The following TSPAN8 variants were observed in gnomAD, a reference collection of about 807,000 sequenced individuals.
TSPAN8 encodes tetraspanin-8.
A neutral mutation model predicts 32.8 loss-of-function variants in TSPAN8; 21 were observed. The ratio of observed to expected loss-of-function variants is 0.64; its 90% confidence interval spans 0.45 to 0.92. TSPAN8 has a LOEUF of 0.92. TSPAN8 is among the 40% of genes least tolerant of loss of function. The probability of loss-of-function intolerance (pLI) is 0.00; values close to 1 mark genes in which losing one functional copy is unlikely to be tolerated. For missense variants in TSPAN8, 269 were observed against 281.9 expected, an observed-to-expected ratio of 0.95 and a Z score of 0.33; for synonymous variants, 95 against 94.6, an observed-to-expected ratio of 1.00 and a Z score of -0.03.
intron 2 of TSPAN8, among the ~76,000 whole-genome samples, chr12:71,153,293 T>C (rs1592411722): frequency 6.6e-6 from 1 of 152,232 alleles, no homozygotes; most frequent in Non-Finnish European, 1.5e-5. Context: ...CTATAATTTA[T>C]CTATTATCTG....
chr12:71,134,199 C>T (rs774531799), intron 6 of TSPAN8, among the ~76,000 whole-genome samples: 4 of 152,132 alleles, frequency 2.6e-5, no homozygotes, highest in Non-Finnish European at 4.4e-5. Context: ...GATAAGAACT[C>T]CCAGGTTGAA....
intron 2 of TSPAN8, among the ~76,000 whole-genome samples, chr12:71,155,044 A>G (rs1368799769): frequency 6.6e-6 from 1 of 152,236 alleles, no homozygotes; most frequent in Non-Finnish European, 1.5e-5. Context: ...GTTGGATAAT[A>G]TTAGTAACTT....
chr12:71,126,339 A>G (rs779522008), intron 8 of TSPAN8, among the ~76,000 whole-genome samples: 4 of 152,230 alleles, frequency 2.6e-5, no homozygotes, highest in Non-Finnish European at 4.4e-5. Context: ...AATGTGCTAC[A>G]ATTGAAGACT....
At chr12:71,134,635 A>G (rs949623772) in intron 6 of TSPAN8, among the ~76,000 whole-genome samples, 3 of 152,100 alleles carry the variant, frequency 2.0e-5, no homozygotes, top group Admixed American at 2.0e-4. Context: ...GACATGATTA[A>G]TTGTTTATTC....
Position 71,132,023 on chromosome 12 carries a change from T to G in TSPAN8, c.576+670A>C, listed in dbSNP as rs375586037. On this transcript the variant is annotated intron_variant, in intron 7 of 8. Transcript: ENST00000247829. ...GCGCATAGGAGGTGGTCAGTAAGTA[T>G]TTGATGAACTGATCAATAAGAAGAA... 2.4e-4 allele frequency among the ~76,000 whole-genome samples: 37 copies of G among 152,280 alleles called. 1 individual carries two copies. Among genetic ancestry groups the G allele is most frequent in the Admixed American group, 9.2e-4 (14 of 15,296 alleles).
chr12:71,156,285 T>TAAAAAAAAAAAAAAAAAAAAAAAA (rs1872438906), intron 2 of TSPAN8, among the ~76,000 whole-genome samples: 1 of 100,616 alleles, frequency 9.9e-6, no homozygotes, highest in African/African-American at 5.4e-5. Flanking sequence ...AAAAAAAAAC[T>TAAAAAAAAAAAAAAAAAAAAAAAA]AGAAACAAAA....
chr12:71,130,131 T>A (rs1871475558), intron 7 of TSPAN8, among the ~76,000 whole-genome samples: 1 of 152,024 alleles, frequency 6.6e-6, no homozygotes, highest in Non-Finnish European at 1.5e-5. Flanking sequence ...TTTTGTTGTG[T>A]TTTGTAAAGA....
rs149542977 is a variant in TSPAN8 at position 71,138,807 on chromosome 12, G to A, written c.262-577C>T. On this transcript the variant is annotated intron_variant, in intron 4 of 8. Transcript: ENST00000247829. ...AAAGCAATCAGTAGGAATGTTATTA[G>A]AGTCCCTTTAAAACTCTGTCTCTAC... Among the ~76,000 whole-genome samples the A allele has an allele frequency of 6.4e-3, 972 of 152,192 alleles. 13 individuals are homozygous for A. Among genetic ancestry groups the A allele is most frequent in the African/African-American group, 0.022 (904 of 41,512 alleles).
intron 8 of TSPAN8, among the ~76,000 whole-genome samples, chr12:71,129,091 T>C (rs538738428): frequency 2.6e-5 from 4 of 152,142 alleles, no homozygotes; most frequent in African/African-American, 4.8e-5. Context: ...GGTAGAGAGG[T>C]CATTCAGAAG....
chr12:71,128,955 C>T (rs1274408792), intron 8 of TSPAN8, among the ~76,000 whole-genome samples: 1 of 151,960 alleles, frequency 6.6e-6, no homozygotes, highest in African/African-American at 2.4e-5. Flanking sequence ...TTGTAAAGGT[C>T]GTATTTTGCT....
chr12:71,135,958 A>G (rs887740796), intron 6 of TSPAN8, among the ~76,000 whole-genome samples: 2 of 152,206 alleles, frequency 1.3e-5, no homozygotes, highest in African/African-American at 4.8e-5. Context: ...CAGGGGAGCT[A>G]GGAAAAGCAC....
chr12:71,143,904 T>C (rs1337592383), intron 3 of TSPAN8, among the ~76,000 whole-genome samples: 1 of 152,142 alleles, frequency 6.6e-6, no homozygotes, highest in Non-Finnish European at 1.5e-5. Context: ...CTGAATTTTT[T>C]TGAATTTTTG....
chr12:71,143,645 T>C (rs999231438), intron 3 of TSPAN8, among the ~76,000 whole-genome samples: 1 of 152,196 alleles, frequency 6.6e-6, no homozygotes, highest in African/African-American at 2.4e-5. Context: ...CACAGGTAAA[T>C]AACAAGTACC....
At chr12:71,129,268 T>G in intron 8 of TSPAN8, 63 bp downstream of exon 8, 1 of 1,411,228 alleles carries the variant, frequency 7.1e-7, no homozygotes, top group Non-Finnish European at 9.5e-7. Flanking sequence ...ACCATCAATA[T>G]TTCTTGAAAT....
At chr12:71,137,828 C>T (rs1265082461) in intron 6 of TSPAN8, 125 bp downstream of exon 6, 6 of 785,922 alleles carry the variant, frequency 7.6e-6, no homozygotes, top group Non-Finnish European at 1.2e-5. Context: ...TGCATGGTGA[C>T]AGAATAATCA....
At chr12:71,139,069 G>T in intron 4 of TSPAN8, 2 of 455,824 alleles carry the variant, frequency 4.4e-6, no homozygotes, top group Non-Finnish European at 8.8e-6. Flanking sequence ...TGCTCTCTAA[G>T]AGATAATTCT....
intron 4 of TSPAN8, 122 bp downstream of exon 4, chr12:71,139,589 T>C: frequency 7.5e-7 from 1 of 1,336,858 alleles, no homozygotes; most frequent in Non-Finnish European, 1.0e-6. Flanking sequence ...TCAAACCTTC[T>C]AAAGAGAAGT....
intron 2 of TSPAN8, chr12:71,157,363 A>G (rs1872477140): frequency 2.6e-6 from 1 of 385,156 alleles, no homozygotes; most frequent in Non-Finnish European, 4.7e-6. Flanking sequence ...TTCCTCTGTG[A>G]TTTTTTTTTG....
chr12:71,132,202 T>C (rs1236325379), intron 7 of TSPAN8, among the ~76,000 whole-genome samples: 2 of 152,192 alleles, frequency 1.3e-5, no homozygotes, highest in Admixed American at 1.3e-4. Context: ...GTCAGTAACA[T>C]AGAGAACCTA....
Sources: allele counts gnomAD v4.1 joint callset (sites outside exome capture counted in the v4.1 genomes callset), GRCh38; gene constraint gnomAD v4.1.1; transcripts MANE v1.5; gene names NCBI Gene and HGNC (gene_info 2026-07-23, HGNC 2026-07-21).